ISM1: variants seen among roughly 807,000 people sequenced by gnomAD.
The protein encoded by ISM1 is isthmin 1.
A neutral mutation model predicts 46.3 loss-of-function variants in ISM1; 25 were observed. The ratio of observed to expected loss-of-function variants is 0.54; its 90% CI spans 0.39 to 0.75. The LOEUF is 0.75. Ranked by LOEUF, ISM1 falls within the 30% of genes least tolerant of loss-of-function variation. The probability of loss-of-function intolerance (pLI) is 0.00; values close to 1 mark genes in which losing one functional copy is unlikely to be tolerated. For missense variants in ISM1, 536 were observed against 625.4 expected (o/e 0.86, Z 1.52); for synonymous variants, 255 against 256.7 (o/e 0.99, Z 0.06).
intron 3 of ISM1, among the ~76,000 whole-genome samples, chr20:13,280,241 T>C (rs1028383517): frequency 2.0e-5 from 3 of 152,180 alleles, no homozygotes; most frequent in Non-Finnish European, 4.4e-5. Flanking sequence ...TTGTATTTTT[T>C]ACTGTAAAAA....
chr20:13,286,442 G>A (rs2040293841), intron 3 of ISM1, among the ~76,000 whole-genome samples: 1 of 152,158 alleles, frequency 6.6e-6, no homozygotes, highest in South Asian at 2.1e-4. Context: ...CTAATGCCAG[G>A]GAAGGCAGCC....
At chr20:13,243,488 T>A (rs535393956) in intron 1 of ISM1, among the ~76,000 whole-genome samples, 53 of 152,336 alleles carry the variant, frequency 3.5e-4, no homozygotes, top group Non-Finnish European at 6.3e-4. Flanking sequence ...ATATGGCTTA[T>A]GCTTTTAAGA....
chr20:13,263,351 T>C (rs1252424797), intron 1 of ISM1, among the ~76,000 whole-genome samples: 2 of 150,908 alleles, frequency 1.3e-5, no homozygotes, highest in East Asian at 2.0e-4. Flanking sequence ...CACCCCCTGC[T>C]TCCACTCCTA....
intron 2 of ISM1, among the ~76,000 whole-genome samples, chr20:13,274,650 C>T (rs1600538068): frequency 6.6e-6 from 1 of 151,674 alleles, no homozygotes; most frequent in East Asian, 1.9e-4. Context: ...AGTCCACGTC[C>T]CGCCCCCTCT....
chr20:13,226,931 G>A (rs2039532692), intron 1 of ISM1, among the ~76,000 whole-genome samples: 1 of 152,132 alleles, frequency 6.6e-6, no homozygotes, highest in Admixed American at 6.5e-5. Context: ...TGCGTACAGG[G>A]AGGAATCATA....
At chr20:13,223,156 C>CA (rs369659111) in intron 1 of ISM1, among the ~76,000 whole-genome samples, 10,094 of 119,976 alleles carry the variant, frequency 0.084, 808 homozygotes, top group African/African-American at 0.23. Context: ...GACTCCGTCT[C>CA]AAAAAAAAAA....
the ISM1 span, among the ~76,000 whole-genome samples, chr20:13,307,682 C>T: frequency 6.6e-6 from 1 of 152,220 alleles, no homozygotes; most frequent in African/African-American, 2.4e-5. Context: ...TAAATGGAAT[C>T]GTACAGCACC....
At chr20:13,249,817 TTTGTTTTG>T (rs2039846539) in intron 1 of ISM1, among the ~76,000 whole-genome samples, 1 of 144,174 alleles carries the variant, frequency 6.9e-6, no homozygotes, top group South Asian at 2.2e-4. Flanking sequence ...TTTGTTTTGT[TTTGTTTTG>T]TTTTGTTTTG....
rs547672475 is a variant in ISM1 at position 13,279,636 on chromosome 20, C to A, written c.381C>A (p.Val127=). 7 of 1,611,434 alleles carry A rather than the reference C, an allele frequency of 4.3e-6. No homozygotes were observed. The highest frequency in any genetic ancestry group is 1.1e-5 in the South Asian group (1 of 90,736). ...DINGQNPNIQ[V]TIEVVDGPDS... ...CCAGCCTGTTCTGAATTCTTCAGGT[C>A]ACCATAGAGGTGGTCGACGGTCCTG... The change falls in exon 3 of 6, where the codon GTC becomes GTA. Residue 127 remains valine, a splice_region_variant and synonymous_variant. Transcript: ENST00000262487.
chr20:13,248,057 T>A (rs1446979878), intron 1 of ISM1, among the ~76,000 whole-genome samples: 2 of 152,168 alleles, frequency 1.3e-5, no homozygotes, highest in Non-Finnish European at 2.9e-5. Flanking sequence ...AAGTTCCAGG[T>A]GGGCTATGTG....
At chr20:13,318,353 G>C in the ISM1 span, among the ~76,000 whole-genome samples, 1 of 152,104 alleles carries the variant, frequency 6.6e-6, no homozygotes, top group Non-Finnish European at 1.5e-5. Flanking sequence ...TGGAGCAACA[G>C]GAATTCTTAT....
chr20:13,315,934 C>T, the ISM1 span, among the ~76,000 whole-genome samples: 3 of 151,866 alleles, frequency 2.0e-5, no homozygotes, highest in African/African-American at 4.8e-5. Flanking sequence ...AACTTTTAAA[C>T]ACTTTGAACT....
At chr20:13,238,244 T>C (rs1209878941) in intron 1 of ISM1, 3 of 152,166 alleles carry the variant, frequency 2.0e-5, no homozygotes, top group African/African-American at 7.2e-5. Flanking sequence ...CTACTGGACA[T>C]GGTGACTTTT....
chr20:13,320,374 T>A, the ISM1 span, among the ~76,000 whole-genome samples: 2 of 152,224 alleles, frequency 1.3e-5, no homozygotes, highest in African/African-American at 2.4e-5. Context: ...GACTTCACAC[T>A]GTGCTTGCAA....
At chr20:13,315,190 A>G in the ISM1 span, among the ~76,000 whole-genome samples, 2 of 152,110 alleles carry the variant, frequency 1.3e-5, no homozygotes, top group Non-Finnish European at 2.9e-5. Context: ...GTATTGATGT[A>G]ACTATATCAA....
At chr20:13,234,937 C>T (rs974289111) in intron 1 of ISM1, among the ~76,000 whole-genome samples, 1 of 152,084 alleles carries the variant, frequency 6.6e-6, no homozygotes, top group Non-Finnish European at 1.5e-5. Flanking sequence ...TGACAAGGTC[C>T]CCAGATTAAT....
chr20:13,280,683 C>G (rs565906991), intron 3 of ISM1, among the ~76,000 whole-genome samples: 86 of 152,282 alleles, frequency 5.6e-4, no homozygotes, highest in African/African-American at 2.0e-3. Context: ...GGAACACACA[C>G]TCGTAAGGCC....
intron 2 of ISM1, among the ~76,000 whole-genome samples, chr20:13,277,816 G>A (rs1275868932): frequency 6.6e-6 from 1 of 152,092 alleles, no homozygotes; most frequent in Admixed American, 6.5e-5. Flanking sequence ...TGCAGCCTGA[G>A]TAGACTCTGG....
Position 13,270,578 on chromosome 20 carries a change from T to C in ISM1, c.213T>C (p.His71=), listed in dbSNP as rs1400625480. The change falls in exon 2 of 6, where the codon CAT becomes CAC. Residue 71 remains histidine, a synonymous_variant. Transcript: ENST00000262487. ...FSLSKEAPRE[H]LDHQAAHQPF... ...TCTCCAAAGAAGCACCAAGGGAGCA[T>C]CTGGACCACCAGGCTGCACACCAAC... is the stretch of plus-strand genomic sequence containing the variant. 1 of 1,613,932 alleles carries C rather than the reference T, an allele frequency of 6.2e-7. No individual in the cohort carries two copies. Among genetic ancestry groups the C allele is most frequent in the Admixed American group, 1.7e-5 (1 of 60,018 alleles).
Sources: gnomAD v4.1 joint callset for allele counts (sites outside exome capture counted in the v4.1 genomes callset) on GRCh38, gnomAD v4.1.1 for gene constraint, MANE v1.5 for transcripts, NCBI Gene and HGNC (gene_info 2026-07-23, HGNC 2026-07-21) for gene names.